KAZN: variants seen among roughly 807,000 people sequenced by gnomAD.
KAZN encodes kazrin.
Under a neutral mutation model 87.4 loss-of-function variants are expected in KAZN, and 40 were observed. The observed-to-expected ratio is 0.46, with a 90% CI of 0.36 to 0.60. The LOEUF (loss-of-function observed/expected upper bound fraction) is 0.60. KAZN is among the 20% of genes least tolerant of loss of function. The pLI is 0.00. For synonymous variants in KAZN, 466 were observed against 458.3 expected, an observed-to-expected ratio of 1.02 and a Z score of -0.22; for missense variants, 898 against 1,073.9, an observed-to-expected ratio of 0.84 and a Z score of 2.29.
At chr1:14,021,684 A>G (rs1037517881) in intron 1 of KAZN, among the ~76,000 whole-genome samples, 4 of 152,178 alleles carry the variant, frequency 2.6e-5, no homozygotes, top group Non-Finnish European at 5.9e-5. Context: ...ATGCCCAAAC[A>G]TTATTTTATA....
rs969579013 is a variant in KAZN, at chr1:14,949,639, G to A, written c.227-11045G>A. On this transcript the variant is annotated intron_variant, in intron 1 of 14. Transcript: ENST00000376030. This position sits in a 1 kb window ranked among gnomAD's most constrained non-coding sequence, Gnocchi z 4.3. ...CCATGAAGGTGTTACCCAAACCTCC[G>A]GCAGACCCCAGGGGGCTGCGTCCTG... Among the ~76,000 whole-genome samples the A allele has an allele frequency of 4.6e-5, 7 of 152,068 alleles. No homozygotes were observed. Among genetic ancestry groups the A allele is most frequent in the East Asian group, 3.9e-4 (2 of 5,192 alleles).
intron 2 of KAZN, among the ~76,000 whole-genome samples, chr1:14,264,887 A>C (rs985797103): frequency 6.6e-6 from 1 of 152,188 alleles, no homozygotes; most frequent in Admixed American, 6.5e-5. Context: ...GAAAATCTCT[A>C]TATTTTAAGG....
At chr1:14,401,832 C>G (rs1485266542) in intron 2 of KAZN, among the ~76,000 whole-genome samples, 1 of 150,338 alleles carries the variant, frequency 6.7e-6, no homozygotes, top group Non-Finnish European at 1.5e-5. Flanking sequence ...AAAATAAAAC[C>G]AAACACCTCT....
chr1:14,551,880 C>G (rs563894878), intron 2 of KAZN, among the ~76,000 whole-genome samples: 1 of 152,166 alleles, frequency 6.6e-6, no homozygotes, highest in Non-Finnish European at 1.5e-5. Flanking sequence ...TCTCACCCCT[C>G]CTTGGCCCCG....
chr1:15,072,978 A>G (rs991148136), intron 8 of KAZN, among the ~76,000 whole-genome samples: 1 of 152,148 alleles, frequency 6.6e-6, no homozygotes, highest in African/African-American at 2.4e-5. Flanking sequence ...CCGGCAAAAT[A>G]TGGGGTTTGC....
chr1:15,091,396 G>C (rs1306803777), intron 8 of KAZN, among the ~76,000 whole-genome samples: 1 of 152,192 alleles, frequency 6.6e-6, no homozygotes. Context: ...CCAGACTGGA[G>C]TGCAGTGGCA....
chr1:14,936,822 G>C (rs1487348160), intron 1 of KAZN, among the ~76,000 whole-genome samples: 2 of 152,168 alleles, frequency 1.3e-5, no homozygotes, highest in African/African-American at 4.8e-5. Flanking sequence ...AAGCCTCCTT[G>C]TTCATCCACA....
chr1:14,478,316 TAGAA>T (rs1368435369), intron 2 of KAZN, among the ~76,000 whole-genome samples: 2 of 146,362 alleles, frequency 1.4e-5, no homozygotes, highest in African/African-American at 5.1e-5. Flanking sequence ...TATGGATGGA[TAGAA>T]GGAAGGAAGG....
chr1:13,930,138 TC>T (rs2100931234), intron 1 of KAZN, among the ~76,000 whole-genome samples: 1 of 152,322 alleles, frequency 6.6e-6, no homozygotes, highest in Non-Finnish European at 1.5e-5. Context: ...TGCCCCCTCT[TC>T]CTACCGATTG....
At chr1:14,503,341 G>A (rs555607564) in intron 2 of KAZN, among the ~76,000 whole-genome samples, 88 of 151,358 alleles carry the variant, frequency 5.8e-4, no homozygotes, top group African/African-American at 2.0e-3. Flanking sequence ...AAAATTAGCC[G>A]GGCGTGGTGG....
chr1:14,944,413 T>C (rs1572889488), intron 1 of KAZN, among the ~76,000 whole-genome samples: 1 of 151,712 alleles, frequency 6.6e-6, no homozygotes, highest in Non-Finnish European at 1.5e-5. Flanking sequence ...CCCCCGTTGG[T>C]GTCCTACTTG....
At chr1:14,839,248 A>G (rs1486674487) in intron 1 of KAZN, among the ~76,000 whole-genome samples, 1 of 152,134 alleles carries the variant, frequency 6.6e-6, no homozygotes, top group African/African-American at 2.4e-5. Flanking sequence ...TCTGGGTTCA[A>G]ATCCTAGCCC....
At chr1:14,376,412 G>T (rs1660923398) in intron 2 of KAZN, among the ~76,000 whole-genome samples, 1 of 152,110 alleles carries the variant, frequency 6.6e-6, no homozygotes, top group Non-Finnish European at 1.5e-5. Flanking sequence ...CTCGGGAGTA[G>T]ATTAGTTATT....
intron 1 of KAZN, among the ~76,000 whole-genome samples, chr1:14,077,247 C>G (rs1055614037): frequency 6.6e-6 from 1 of 152,100 alleles, no homozygotes; most frequent in African/African-American, 2.4e-5. Flanking sequence ...CCACTGTCAC[C>G]GTCCATAGAG....
chr1:14,756,660 G>A (rs1389573363), intron 1 of KAZN, among the ~76,000 whole-genome samples: 1 of 152,218 alleles, frequency 6.6e-6, no homozygotes, highest in Admixed American at 6.5e-5. Context: ...GACACCACTA[G>A]GTTCTGAAAT....
chr1:14,121,190 G>A (rs1474968049), intron 1 of KAZN, among the ~76,000 whole-genome samples: 1 of 152,184 alleles, frequency 6.6e-6, no homozygotes, highest in Non-Finnish European at 1.5e-5. Context: ...GATATAGCTT[G>A]TCATATATGA....
chr1:14,976,710 C>T (rs971266851), intron 2 of KAZN, among the ~76,000 whole-genome samples: 4 of 152,094 alleles, frequency 2.6e-5, no homozygotes, highest in Non-Finnish European at 5.9e-5. Flanking sequence ...ATGGACTCTC[C>T]CCCTGGGTGC....
intron 1 of KAZN, among the ~76,000 whole-genome samples, chr1:14,904,772 G>GT (rs1183389844): frequency 1.3e-5 from 2 of 151,986 alleles, no homozygotes; most frequent in African/African-American, 2.4e-5. Flanking sequence ...TTTTGTTTTT[G>GT]TTTTTTTGAG....
chr1:14,161,968 A>G (rs1278733157), intron 1 of KAZN, among the ~76,000 whole-genome samples: 2 of 152,236 alleles, frequency 1.3e-5, no homozygotes, highest in East Asian at 1.9e-4. Flanking sequence ...CATAACTGCT[A>G]TAGTTACACT....
Sources: allele counts gnomAD v4.1 joint callset (sites outside exome capture counted in the v4.1 genomes callset), GRCh38; gene constraint gnomAD v4.1.1; non-coding constraint Gnocchi (gnomAD v3.1); transcripts MANE v1.5; gene names NCBI Gene and HGNC (gene_info 2026-07-23, HGNC 2026-07-21).